CTNNA3: variants seen among roughly 807,000 people sequenced by gnomAD.
The protein encoded by CTNNA3 is catenin alpha-3.
Under a neutral mutation model 95.7 loss-of-function variants are expected in CTNNA3, and 76 were observed. That is an observed-to-expected ratio of 0.79 (90% CI 0.66 to 0.96). The LOEUF (loss-of-function observed/expected upper bound fraction) is 0.96, where lower values mean the gene tolerates loss of function less well. Ranked by LOEUF, CTNNA3 falls within the 40% of genes least tolerant of loss-of-function variation. The probability of loss-of-function intolerance (pLI) is 0.00; values close to 1 mark genes in which losing one functional copy is unlikely to be tolerated. For synonymous variants in CTNNA3, 431 were observed against 374.4 expected (o/e 1.15, Z -1.74); for missense variants, 1,191 against 1,089.8 (o/e 1.09, Z -1.31).
intron 10 of CTNNA3, among the ~76,000 whole-genome samples, chr10:66,525,243 G>T (rs1487839903): frequency 6.6e-6 from 1 of 151,852 alleles, no homozygotes; most frequent in Non-Finnish European, 1.5e-5. Flanking sequence ...GACTGTTTTT[G>T]AGAGTATCCT....
intron 17 of CTNNA3, among the ~76,000 whole-genome samples, chr10:65,934,744 T>C (rs1440372827): frequency 6.6e-6 from 1 of 152,004 alleles, no homozygotes; most frequent in African/African-American, 2.4e-5. Context: ...GATGACACAC[T>C]GAGAGAATGG....
chr10:67,622,671 C>G (rs1843885713), intron 2 of CTNNA3, among the ~76,000 whole-genome samples: 3 of 152,112 alleles, frequency 2.0e-5, no homozygotes, highest in Admixed American at 2.0e-4. Flanking sequence ...GTTTTCCTAT[C>G]CTTATTTTAA....
chr10:66,421,816 C>G (rs1589226234), intron 11 of CTNNA3, among the ~76,000 whole-genome samples: 1 of 117,640 alleles, frequency 8.5e-6, no homozygotes, highest in African/African-American at 3.4e-5. Flanking sequence ...GCCTGGATGG[C>G]AGAGCAAGAC....
chr10:67,395,466 T>C (rs530063423), intron 5 of CTNNA3, among the ~76,000 whole-genome samples: 1 of 152,150 alleles, frequency 6.6e-6, no homozygotes. Context: ...AGCTCTAATA[T>C]AAGCAACACA....
chr10:67,750,382 G>A (rs1409353552), intron 1 of CTNNA3: 5 of 1,494,950 alleles, frequency 3.3e-6, no homozygotes, highest in Non-Finnish European at 4.7e-6. Context: ...AAGTGGTGAA[G>A]GTGGCCATTG....
chr10:67,722,705 C>T (rs1841186412), intron 1 of CTNNA3, among the ~76,000 whole-genome samples: 1 of 152,130 alleles, frequency 6.6e-6, no homozygotes, highest in African/African-American at 2.4e-5. Flanking sequence ...GCCTATACCA[C>T]ACAAAAAGTG....
intron 15 of CTNNA3, among the ~76,000 whole-genome samples, chr10:66,020,001 C>T (rs2079171184): frequency 6.6e-6 from 1 of 152,186 alleles, no homozygotes; most frequent in African/African-American, 2.4e-5. Context: ...TCCAATGCTA[C>T]CTGATTTTTA....
chr10:66,218,985 T>C (rs181616960), intron 13 of CTNNA3, among the ~76,000 whole-genome samples: 58 of 152,312 alleles, frequency 3.8e-4, no homozygotes, highest in African/African-American at 1.3e-3. Flanking sequence ...TGTTCTCCTT[T>C]CTTATTAGAA....
At chr10:65,926,406 G>A (rs1316401738) in intron 17 of CTNNA3, among the ~76,000 whole-genome samples, 2 of 151,706 alleles carry the variant, frequency 1.3e-5, no homozygotes, top group African/African-American at 4.8e-5. Context: ...CAGTTTTATT[G>A]GATAATTCCA....
intron 4 of CTNNA3, among the ~76,000 whole-genome samples, chr10:67,527,939 G>T (rs906075851): frequency 6.6e-6 from 1 of 152,200 alleles, no homozygotes; most frequent in Non-Finnish European, 1.5e-5. Flanking sequence ...CTTCACCAGA[G>T]TCCTTCTCCA....
chr10:67,393,724 G>A (rs1008441150), intron 5 of CTNNA3, among the ~76,000 whole-genome samples: 5 of 152,096 alleles, frequency 3.3e-5, no homozygotes, highest in Non-Finnish European at 7.4e-5. Flanking sequence ...CCAAATTAGG[G>A]CCTTCAATTA....
intron 5 of CTNNA3, among the ~76,000 whole-genome samples, chr10:67,233,836 A>C (rs1865333945): frequency 6.6e-6 from 1 of 152,216 alleles, no homozygotes; most frequent in South Asian, 2.1e-4. Flanking sequence ...GGATATCATC[A>C]CTGATCCCAC....
chr10:66,600,017 T>C (rs75415869), intron 10 of CTNNA3, among the ~76,000 whole-genome samples: 3,594 of 151,990 alleles, frequency 0.024, 86 homozygotes, highest in South Asian at 0.056. Context: ...TACAAAGTCA[T>C]TGTTGATATG....
chr10:67,339,193 T>C (rs1211322360), intron 5 of CTNNA3, among the ~76,000 whole-genome samples: 2 of 152,172 alleles, frequency 1.3e-5, no homozygotes, highest in Non-Finnish European at 2.9e-5. Flanking sequence ...ATAAATTCTA[T>C]CCCTGAGCAA....
At chr10:67,234,867 T>C (rs11527383) in intron 5 of CTNNA3, among the ~76,000 whole-genome samples, 44,390 of 140,752 alleles carry the variant, frequency 0.32, 10,681 homozygotes, top group African/African-American at 0.72. Flanking sequence ...TATACACCAA[T>C]AACAGACAAA....
intron 5 of CTNNA3, among the ~76,000 whole-genome samples, chr10:67,397,759 G>A (rs1314908699): frequency 1.3e-5 from 2 of 152,200 alleles, no homozygotes; most frequent in Non-Finnish European, 2.9e-5. Context: ...CCCCCCTGCT[G>A]TATGCAGACT....
Position 67,010,661 on chromosome 10 carries a change from C to T in CTNNA3, c.1047+169656G>A, listed in dbSNP as rs192353337. Among the ~76,000 whole-genome samples, 88 of 152,272 alleles carry T rather than the reference C, an allele frequency of 5.8e-4. 1 individual carries two copies. The highest frequency in any genetic ancestry group is 2.1e-3 in the African/African-American group (86 of 41,556). ...CAAGTTTCTGCTCACATATCAGTAG[C>T]TGCTAGGAATTTTCCAATGCTTTTG... On this transcript the variant is annotated intron_variant, in intron 7 of 17. Transcript: ENST00000433211.
chr10:66,436,098 T>C (rs1426044764), intron 11 of CTNNA3, among the ~76,000 whole-genome samples: 2 of 152,194 alleles, frequency 1.3e-5, no homozygotes, highest in South Asian at 2.1e-4. Context: ...CTTTCAATTA[T>C]GTGGTCAATT....
At chr10:67,730,683 G>A (rs993259281) in intron 1 of CTNNA3, among the ~76,000 whole-genome samples, 1 of 151,482 alleles carries the variant, frequency 6.6e-6, no homozygotes, top group East Asian at 1.9e-4. Context: ...AAGAGAGAGA[G>A]GGAGAAAGAA....
Sources: gnomAD v4.1 joint callset for allele counts (sites outside exome capture counted in the v4.1 genomes callset) on GRCh38, gnomAD v4.1.1 for gene constraint, MANE v1.5 for transcripts, NCBI Gene and HGNC (gene_info 2026-07-23, HGNC 2026-07-21) for gene names.